Variants in OPCML observed in about 807,000 individuals in gnomAD.
OPCML encodes opioid binding protein/cell adhesion molecule like, also known as opioid-binding protein/cell adhesion molecule.
A neutral mutation model predicts 37.8 loss-of-function variants in OPCML; 13 were observed. The observed-to-expected ratio is 0.34, with a 90% CI of 0.22 to 0.55. The LOEUF is 0.55. OPCML is among the 20% of genes least tolerant of loss of function. OPCML has a pLI of 0.91. For synonymous variants in OPCML, 176 were observed against 168.8 expected (o/e 1.04, Z -0.33); for missense variants, 341 against 435.6 (o/e 0.78, Z 1.93).
At chr11:133,233,614 A>T (rs1425680945) in intron 1 of OPCML, among the ~76,000 whole-genome samples, 1 of 152,210 alleles carries the variant, frequency 6.6e-6, no homozygotes, top group African/African-American at 2.4e-5. Context: ...CTCCTTGTTC[A>T]AATCCCTTTA....
At chr11:132,654,675 C>T (rs943713392) in intron 3 of OPCML, among the ~76,000 whole-genome samples, 1 of 152,036 alleles carries the variant, frequency 6.6e-6, no homozygotes, top group Non-Finnish European at 1.5e-5. Flanking sequence ...AAGAGAATGT[C>T]CTCCCCAAAG....
intron 2 of OPCML, among the ~76,000 whole-genome samples, chr11:132,688,383 T>G (rs922760556): frequency 7.9e-5 from 12 of 152,196 alleles, no homozygotes; most frequent in Admixed American, 7.9e-4. Flanking sequence ...AATCTAGTCC[T>G]GACCGACACT....
intron 2 of OPCML, among the ~76,000 whole-genome samples, chr11:132,665,615 C>T (rs558296779): frequency 1.3e-5 from 2 of 152,034 alleles, no homozygotes; most frequent in South Asian, 2.1e-4. Flanking sequence ...AGAAGTAAAG[C>T]GTAGGGTAGC....
Position 132,887,138 on chromosome 11 carries a change from C to T in OPCML, c.146+55788G>A, listed in dbSNP as rs571352208. 8.5e-5 allele frequency among the ~76,000 whole-genome samples: 13 copies of T among 152,320 alleles called. No individual in the cohort carries two copies. The South Asian group carries it at 2.7e-3, about 32-fold the overall frequency. On this transcript the variant is annotated intron_variant, in intron 2 of 7. Coordinates refer to ENST00000524381, the MANE Select transcript of OPCML (RefSeq NM_001012393.5). ...GACAGACCACAAATACAATGGTGGT[C>T]TCGTAGGACCATAATACCATATTTT...
At chr11:133,022,492 T>C (rs1412157191) in intron 1 of OPCML, among the ~76,000 whole-genome samples, 1 of 152,064 alleles carries the variant, frequency 6.6e-6, no homozygotes, top group Non-Finnish European at 1.5e-5. Context: ...GTGTTTTTTT[T>C]TTTTCTGCTT....
At chr11:133,142,615 G>A (rs528714864) in intron 1 of OPCML, among the ~76,000 whole-genome samples, 1 of 152,236 alleles carries the variant, frequency 6.6e-6, no homozygotes, top group Non-Finnish European at 1.5e-5. Context: ...GGGTAGTCCT[G>A]GCAGTACATA....
intron 1 of OPCML, among the ~76,000 whole-genome samples, chr11:133,323,560 TTGG>T (rs545104276): frequency 2.6e-5 from 4 of 152,170 alleles, no homozygotes; most frequent in Admixed American, 6.5e-5. Context: ...GGTCATGCTA[TTGG>T]TGGTGTTCAG....
chr11:132,944,982 A>C (rs955824357), intron 1 of OPCML, among the ~76,000 whole-genome samples: 1 of 152,260 alleles, frequency 6.6e-6, no homozygotes, highest in Non-Finnish European at 1.5e-5. Flanking sequence ...TTGCTGAAGG[A>C]TACAAAGGCA....
chr11:133,417,832 A>G (rs1945801763), intron 1 of OPCML, among the ~76,000 whole-genome samples: 1 of 152,196 alleles, frequency 6.6e-6, no homozygotes. Context: ...TTAATTTAAG[A>G]AAAATGTGAA....
intron 1 of OPCML, among the ~76,000 whole-genome samples, chr11:133,204,304 A>C (rs1466304964): frequency 1.3e-5 from 2 of 152,192 alleles, no homozygotes; most frequent in Non-Finnish European, 2.9e-5. Flanking sequence ...TGAAATTTCT[A>C]TTTCGTCATT....
At chr11:132,693,854 G>A (rs1943499046) in intron 2 of OPCML, among the ~76,000 whole-genome samples, 1 of 151,972 alleles carries the variant, frequency 6.6e-6, no homozygotes, top group South Asian at 2.1e-4. Flanking sequence ...CCACGGAGAG[G>A]TCCAGACACA....
intron 2 of OPCML, among the ~76,000 whole-genome samples, chr11:132,824,014 G>A (rs1940148743): frequency 6.6e-6 from 1 of 152,066 alleles, no homozygotes; most frequent in African/African-American, 2.4e-5. Context: ...AGTGCCGTAG[G>A]GTTCAATCCT....
chr11:133,490,808 G>A (rs559677770), intron 1 of OPCML, among the ~76,000 whole-genome samples: 1 of 152,210 alleles, frequency 6.6e-6, no homozygotes, highest in South Asian at 2.1e-4. Context: ...CTCATGGCTT[G>A]CTATCTCATC....
chr11:133,353,070 C>G (rs1353319354), intron 1 of OPCML, among the ~76,000 whole-genome samples: 1 of 152,148 alleles, frequency 6.6e-6, no homozygotes, highest in Non-Finnish European at 1.5e-5. Context: ...AAAATTTTTT[C>G]AAAGGTTAAA....
chr11:133,110,337 G>A (rs1949230656), intron 1 of OPCML, among the ~76,000 whole-genome samples: 1 of 152,260 alleles, frequency 6.6e-6, no homozygotes, highest in South Asian at 2.1e-4. Flanking sequence ...GTGGTACCAG[G>A]AGCACCTTAC....
chr11:132,954,139 TTTTG>T (rs1565364749), intron 1 of OPCML, among the ~76,000 whole-genome samples: 1 of 84,114 alleles, frequency 1.2e-5, no homozygotes, highest in Non-Finnish European at 2.7e-5. Context: ...TTGTTTGTTT[TTTTG>T]TTTGTTTTGT....
chr11:133,111,561 T>C (rs1034930801), intron 1 of OPCML, among the ~76,000 whole-genome samples: 1 of 152,176 alleles, frequency 6.6e-6, no homozygotes, highest in African/African-American at 2.4e-5. Flanking sequence ...GTAAATGCAA[T>C]ATTTAACACC....
At chr11:133,324,551 A>C (rs1169895972) in intron 1 of OPCML, among the ~76,000 whole-genome samples, 1 of 152,180 alleles carries the variant, frequency 6.6e-6, no homozygotes, top group Non-Finnish European at 1.5e-5. Context: ...GAGGGAAGAA[A>C]ATCCTTTTTA....
chr11:133,402,584 T>C (rs116728791), intron 1 of OPCML, among the ~76,000 whole-genome samples: 1 of 152,100 alleles, frequency 6.6e-6, no homozygotes, highest in South Asian at 2.1e-4. Context: ...CCAAGAAATA[T>C]TTTCCCATTT....
Sources: allele counts gnomAD v4.1 joint callset (sites outside exome capture counted in the v4.1 genomes callset), GRCh38; gene constraint gnomAD v4.1.1; transcripts MANE v1.5; gene names NCBI Gene and HGNC (gene_info 2026-07-23, HGNC 2026-07-21).